The following CCSER1 variants were observed in gnomAD, a reference collection of about 807,000 sequenced individuals.
The protein encoded by CCSER1 is coiled-coil serine rich protein 1.
In CCSER1, 41 loss-of-function variants were observed where a neutral mutation model predicts 82.0. The ratio of observed to expected loss-of-function variants is 0.50; its 90% CI spans 0.39 to 0.65. The LOEUF (loss-of-function observed/expected upper bound fraction) is 0.65, where lower values mean the gene tolerates loss of function less well. Ranked by LOEUF, CCSER1 falls within the 30% of genes least tolerant of loss-of-function variation. CCSER1 has a pLI of 0.00. For missense variants in CCSER1, 1,119 were observed against 1,064.2 expected, an observed-to-expected ratio of 1.05 and a Z score of -0.72; for synonymous variants, 414 against 383.9, an observed-to-expected ratio of 1.08 and a Z score of -0.92.
chr4:91,519,303 C>G (rs1208282752), intron 10 of CCSER1, among the ~76,000 whole-genome samples: 2 of 152,182 alleles, frequency 1.3e-5, no homozygotes. Context: ...GTGAGGGCTT[C>G]AAAACAGCAA....
rs1228182773 is a variant in CCSER1, at chr4:90,546,263, G to A, written c.1724+77909G>A. ...GACTAAATCTACCTGGGAAGAGTAAGTCCTCAGGCTATGGCTTCGCTCTGT... is the reference window on the plus strand; with the variant it reads ...GACTAAATCTACCTGGGAAGAGTAAATCCTCAGGCTATGGCTTCGCTCTGT... On this transcript the variant is annotated intron_variant, in intron 5 of 10. Transcript: ENST00000509176. Among the ~76,000 whole-genome samples the A allele has an allele frequency of 2.0e-5, 3 of 152,126 alleles. No individual in the cohort carries two copies. In the East Asian group the frequency reaches 5.8e-4, roughly 29 times the overall value.
chr4:90,447,777 G>T (rs1314739380), intron 4 of CCSER1, among the ~76,000 whole-genome samples: 2 of 152,028 alleles, frequency 1.3e-5, no homozygotes, highest in Non-Finnish European at 2.9e-5. Flanking sequence ...CATAACAGCT[G>T]ACACACATGA....
At chr4:90,492,168 G>T (rs1359236205) in intron 5 of CCSER1, among the ~76,000 whole-genome samples, 1 of 152,114 alleles carries the variant, frequency 6.6e-6, no homozygotes. Context: ...TGGTTGGTAG[G>T]CTGTTAATTA....
At chr4:90,973,548 T>G (rs2150404328) in intron 9 of CCSER1, among the ~76,000 whole-genome samples, 1 of 151,768 alleles carries the variant, frequency 6.6e-6, no homozygotes, top group African/African-American at 2.4e-5. Context: ...AAGCAACCCT[T>G]GTACAGTTGG....
intron 7 of CCSER1, among the ~76,000 whole-genome samples, chr4:90,736,260 T>C (rs561566522): frequency 2.6e-5 from 4 of 152,310 alleles, no homozygotes; most frequent in African/African-American, 7.2e-5. Context: ...TGTTTCTTTG[T>C]TGATTTTCTG....
intron 10 of CCSER1, among the ~76,000 whole-genome samples, chr4:91,092,111 C>G (rs1561541884): frequency 6.6e-6 from 1 of 152,124 alleles, no homozygotes; most frequent in East Asian, 1.9e-4. Flanking sequence ...TTAATCCTGT[C>G]TCTTGATATA....
chr4:90,639,751 CAA>C (rs1440396074), intron 6 of CCSER1, among the ~76,000 whole-genome samples: 3 of 151,980 alleles, frequency 2.0e-5, no homozygotes, highest in Non-Finnish European at 4.4e-5. Flanking sequence ...CAGAAGGAAA[CAA>C]GAGTTCTATT....
intron 3 of CCSER1, among the ~76,000 whole-genome samples, chr4:90,352,488 A>G (rs146807666): frequency 0.011 from 1,706 of 151,796 alleles, 31 homozygotes; most frequent in African/African-American, 0.04. Context: ...ACATGATGAA[A>G]CCCGTCCCTA....
chr4:90,219,387 T>C (rs1159164708), intron 1 of CCSER1, among the ~76,000 whole-genome samples: 1 of 152,180 alleles, frequency 6.6e-6, no homozygotes, highest in African/African-American at 2.4e-5. Context: ...GGACATCCAA[T>C]TGTAGATGTC....
chr4:90,522,737 A>G (rs978374384), intron 5 of CCSER1, among the ~76,000 whole-genome samples: 2 of 152,166 alleles, frequency 1.3e-5, no homozygotes, highest in African/African-American at 4.8e-5. Flanking sequence ...TTTATGCTCC[A>G]TTACAGAACT....
intron 10 of CCSER1, among the ~76,000 whole-genome samples, chr4:91,160,340 G>A (rs1731259690): frequency 6.6e-6 from 1 of 152,154 alleles, no homozygotes. Context: ...ATTGTGAATA[G>A]TGCCACAGTA....
chr4:91,140,639 C>T (rs1728936144), intron 10 of CCSER1, among the ~76,000 whole-genome samples: 1 of 152,040 alleles, frequency 6.6e-6, no homozygotes, highest in African/African-American at 2.4e-5. Context: ...AAATTAATTA[C>T]TCAGCTGGAG....
chr4:90,815,123 G>T (rs1002077951), intron 7 of CCSER1, among the ~76,000 whole-genome samples: 4 of 152,122 alleles, frequency 2.6e-5, no homozygotes, highest in Non-Finnish European at 5.9e-5. Context: ...CAATCATGGT[G>T]GAAGGCTAAT....
intron 10 of CCSER1, among the ~76,000 whole-genome samples, chr4:91,559,567 A>T (rs546329588): frequency 2.1e-4 from 32 of 151,706 alleles, no homozygotes; most frequent in South Asian, 1.2e-3. Context: ...AGTAGGGATG[A>T]CAATTCTGGA....
chr4:91,200,028 T>C (rs553485604), intron 10 of CCSER1, among the ~76,000 whole-genome samples: 1 of 152,200 alleles, frequency 6.6e-6, no homozygotes, highest in African/African-American at 2.4e-5. Flanking sequence ...ATGATGTCAT[T>C]CTAAATTGAC....
chr4:90,616,088 A>C (rs1379158350), intron 5 of CCSER1, among the ~76,000 whole-genome samples: 1 of 152,230 alleles, frequency 6.6e-6, no homozygotes, highest in Non-Finnish European at 1.5e-5. Flanking sequence ...ATTATTTTTA[A>C]ATTAAGGCGT....
At chr4:91,469,990 G>A (rs1757175315) in intron 10 of CCSER1, among the ~76,000 whole-genome samples, 2 of 152,142 alleles carry the variant, frequency 1.3e-5, no homozygotes, top group South Asian at 4.1e-4. Context: ...TAATGTTTAT[G>A]ATGCAAATAT....
rs555870473 is a variant in CCSER1, at chr4:90,516,212, C to A, written c.1724+47858C>A. ...TCATGAATAAGAGAAGAGTTCCTAG[C>A]AGAAGAAATAGTATTTAAGAAGAAC... On this transcript the variant is annotated intron_variant, in intron 5 of 10. Transcript: ENST00000509176. Among the ~76,000 whole-genome samples, 29 of 152,166 alleles carry A rather than the reference C, an allele frequency of 1.9e-4. No individual in the cohort carries two copies. In the East Asian group the frequency reaches 5.4e-3, roughly 28 times the overall value.
intron 1 of CCSER1, among the ~76,000 whole-genome samples, chr4:90,276,302 C>T (rs868166116): frequency 2.0e-4 from 23 of 115,264 alleles, no homozygotes; most frequent in South Asian, 1.3e-3. Context: ...TTCCTTCCTT[C>T]CTTCCTTTCT....
Sources: gnomAD v4.1 joint callset for allele counts (sites outside exome capture counted in the v4.1 genomes callset) on GRCh38, gnomAD v4.1.1 for gene constraint, MANE v1.5 for transcripts, NCBI Gene and HGNC (gene_info 2026-07-23, HGNC 2026-07-21) for gene names.